DNAJC11: variants seen among roughly 807,000 people sequenced by gnomAD.
DNAJC11 encodes the protein dnaJ homolog subfamily C member 11.
DNAJC11 carries 15 observed loss-of-function variants against 78.6 expected under a neutral mutation model. The observed-to-expected ratio is 0.19, with a 90% confidence interval of 0.13 to 0.29. DNAJC11 has a LOEUF of 0.29. Among genes scored for constraint, DNAJC11 ranks in the 10% least tolerant of loss-of-function variants. The pLI, the probability that DNAJC11 is intolerant of heterozygous loss-of-function variation, is 1.00. For missense variants in DNAJC11, 547 were observed against 709.6 expected, an observed-to-expected ratio of 0.77 and a Z score of 2.60; for synonymous variants, 292 against 272.1, an observed-to-expected ratio of 1.07 and a Z score of -0.72.
Position 6,645,031 on chromosome 1 carries a change from C to T in DNAJC11, c.980+10G>A. 6.2e-7 allele frequency: 1 copy of T among 1,613,568 alleles called. No individual in the cohort carries two copies. Among genetic ancestry groups the T allele is most frequent in the Non-Finnish European group, 8.5e-7 (1 of 1,179,568 alleles). On this transcript the variant is annotated intron_variant, in intron 9 of 15. Transcript: ENST00000377577. This position sits in a 1 kb window ranked among gnomAD's most constrained non-coding sequence, Gnocchi z 4.1. ...CAGTGTGCTTCCATTTTAGCCAGGC[C>T]AGGACTTACTTGAGGGATCCTTTCA...
Position 6,639,895 on chromosome 1 carries a change from A to C in DNAJC11, c.1253+7T>G. 1 of 1,612,608 alleles carries C rather than the reference A, an allele frequency of 6.2e-7. No homozygotes were observed. Among genetic ancestry groups the C allele is most frequent in the Non-Finnish European group, 8.5e-7 (1 of 1,179,458 alleles). ...GCTAGTGACATGCCCATGACGTGTC[A>C]ACTCACTTCTCTTTCTGAGCCCTGA... On this transcript the variant is annotated splice_region_variant and intron_variant, in intron 11 of 15. Transcript: ENST00000377577.
chr1:6,675,348 A>C (rs926812897), intron 3 of DNAJC11, among the ~76,000 whole-genome samples: 5 of 151,714 alleles, frequency 3.3e-5, no homozygotes, highest in Non-Finnish European at 7.4e-5. Flanking sequence ...GTTTACTAAA[A>C]AAATACGAAA....
intron 7 of DNAJC11, among the ~76,000 whole-genome samples, chr1:6,648,140 A>C (rs968208396): frequency 1.3e-5 from 2 of 152,012 alleles, no homozygotes; most frequent in African/African-American, 4.8e-5. Flanking sequence ...CCCCTCCCTC[A>C]TAAGACCCAA....
chr1:6,638,440 T>A (rs1347398598), intron 11 of DNAJC11, 76 bp from the exon 12 acceptor site: 16 of 1,441,718 alleles, frequency 1.1e-5, no homozygotes, highest in Non-Finnish European at 1.4e-5. Flanking sequence ...CCTCCCGTGC[T>A]GGACCCGAGC....
In DNAJC11 at chr1:6,641,402, T is replaced by TACACAC. The variant is rs1477522329; in HGVS notation, c.1098-1346_1098-1345insGTGTGT. ...CAAAAAAAAAAAAAATATATATATATATATACACACACACACACACACACA... is the reference window on the plus strand; with the variant it reads ...CAAAAAAAAAAAAAATATATATATATACACACATATACACACACACACACACACACA... On this transcript the variant is annotated intron_variant, in intron 10 of 15. Transcript: ENST00000377577. Among the ~76,000 whole-genome samples the TACACAC allele has an allele frequency of 2.9e-4, 42 of 144,142 alleles. 1 individual carries two copies. The highest frequency in any genetic ancestry group is 1.1e-3 in the Admixed American group (16 of 14,304). 94.6% of individuals were successfully genotyped at this position (144,142 alleles called of 152,430 possible).
intron 7 of DNAJC11, among the ~76,000 whole-genome samples, chr1:6,650,439 G>A (rs182172066): frequency 3.9e-4 from 60 of 152,246 alleles, no homozygotes; most frequent in Non-Finnish European, 4.1e-4. Flanking sequence ...GTTGGCACAC[G>A]CCTGTAGTCC....
At chr1:6,690,641 T>C (rs557513340) in intron 1 of DNAJC11, among the ~76,000 whole-genome samples, 6 of 152,254 alleles carry the variant, frequency 3.9e-5, no homozygotes, top group African/African-American at 7.2e-5. Flanking sequence ...AACCCCTGAA[T>C]TGCCTGGGCG....
At chr1:6,643,750 G>A (rs1641921366) in intron 10 of DNAJC11, among the ~76,000 whole-genome samples, 1 of 152,176 alleles carries the variant, frequency 6.6e-6, no homozygotes, top group Non-Finnish European at 1.5e-5. Context: ...CAGGAGGACT[G>A]GGCTGCTAGG....
intron 1 of DNAJC11, among the ~76,000 whole-genome samples, chr1:6,682,792 G>A (rs1290204434): frequency 4.6e-5 from 7 of 152,274 alleles, no homozygotes; most frequent in African/African-American, 1.4e-4. Context: ...CCTGGGCGTG[G>A]AGGCGCTTGC....
intron 10 of DNAJC11, among the ~76,000 whole-genome samples, chr1:6,643,195 T>A (rs1026160462): frequency 1.3e-5 from 2 of 151,968 alleles, no homozygotes; most frequent in Non-Finnish European, 2.9e-5. Context: ...AAAGGCTGAT[T>A]CTGGAGAGGG....
Position 6,645,109 on chromosome 1 carries a change from G to A in DNAJC11, c.912C>T (p.Ser304=). 1 of 1,613,118 alleles carries A rather than the reference G, an allele frequency of 6.2e-7. No homozygotes were observed. The highest frequency in any genetic ancestry group is 8.5e-7 in the Non-Finnish European group (1 of 1,179,204). ...TGTGCTGATAGCTGATCAGTGCAAA[G>A]GAGTGAGGGATTCCCAGCTGGGGAG... ...TVALQLGIPH[S]FALISYQHKF... is the part of the protein sequence containing the mutation. Residue 304 remains serine, a synonymous_variant, in exon 9 of 16, where the codon TCC becomes TCT. Transcript: ENST00000377577. The surrounding 1 kb of genome is among the most constrained non-coding windows in gnomAD (Gnocchi z 4.1).
intron 7 of DNAJC11, chr1:6,651,075 G>C (rs760381079): frequency 1.9e-6 from 1 of 534,370 alleles, no homozygotes; most frequent in Non-Finnish European, 3.8e-6. Flanking sequence ...TACAGTTCTA[G>C]GAGTGTGACA....
rs189474713 is a variant in DNAJC11 at position 6,640,195 on chromosome 1, C to T, written c.1098-138G>A. 322 of 1,084,112 alleles carry T rather than the reference C, an allele frequency of 3.0e-4. 1 individual carries two copies. The African/African-American group carries it at 4.8e-3, about 16-fold the overall frequency. The allele number at this position is 1,084,112 out of a possible 1,614,324, so 67.2% of individuals were successfully genotyped here. ...AGTTAAAGGAGCCTGCAGTCTGCTC[C>T]TTTCACAGTCCACCACCTTCTGGCC... On this transcript the variant is annotated intron_variant, in intron 10 of 15. Coordinates refer to ENST00000377577, the MANE Select transcript of DNAJC11 (RefSeq NM_018198.4).
chr1:6,656,504 T>C (rs1642128754), intron 4 of DNAJC11, among the ~76,000 whole-genome samples: 1 of 152,116 alleles, frequency 6.6e-6, no homozygotes, highest in Non-Finnish European at 1.5e-5. Context: ...TATTTTTATG[T>C]TCTAATATGA....
intron 1 of DNAJC11, among the ~76,000 whole-genome samples, chr1:6,694,905 G>T (rs1642809356): frequency 6.6e-6 from 1 of 150,616 alleles, no homozygotes; most frequent in South Asian, 2.1e-4. Context: ...AACCCGGGAG[G>T]CGGAGCTTGC....
At position 6,645,962 on chromosome 1, in the gene DNAJC11, A is replaced by T; in HGVS notation, c.721T>A (p.Cys241Ser). ...CCACGGGATGAAAACTGCAGAGCAC[A>T]GTTTGTTGTCACAAAGCTGGAGAGA... ...LTPRCFVTTNCALQFSSRGIR... is the reference protein window; with the variant it reads ...LTPRCFVTTNSALQFSSRGIR... The change falls in exon 8 of 16, where the codon TGT (cysteine) becomes AGT (serine). Residue 241 changes from cysteine to serine, a missense_variant. Transcript: ENST00000377577. This position sits in a 1 kb window ranked among gnomAD's most constrained non-coding sequence, Gnocchi z 4.1. 1 of 1,614,112 alleles carries T rather than the reference A, an allele frequency of 6.2e-7. No homozygotes were observed. Among genetic ancestry groups the T allele is most frequent in the Non-Finnish European group, 8.5e-7 (1 of 1,179,984 alleles).
intron 4 of DNAJC11, among the ~76,000 whole-genome samples, chr1:6,662,329 G>A (rs964356986): frequency 7.2e-5 from 11 of 151,960 alleles, no homozygotes; most frequent in African/African-American, 1.7e-4. Context: ...AAGCAGCTTG[G>A]ATTACAGGCG....
intron 1 of DNAJC11, among the ~76,000 whole-genome samples, chr1:6,695,121 GGGT>G (rs1470705550): frequency 6.7e-6 from 1 of 149,282 alleles, no homozygotes; most frequent in Non-Finnish European, 1.5e-5. Flanking sequence ...GCTCCAGCCT[GGGT>G]GACAGAGCGA....
At chr1:6,682,222 A>G in intron 1 of DNAJC11, among the ~76,000 whole-genome samples, 1 of 152,012 alleles carries the variant, frequency 6.6e-6, no homozygotes, top group African/African-American at 2.4e-5. Context: ...ATTTTTCAAC[A>G]TCTTTCAGTC....
Sources: allele counts gnomAD v4.1 joint callset (sites outside exome capture counted in the v4.1 genomes callset), GRCh38; gene constraint gnomAD v4.1.1; non-coding constraint Gnocchi (gnomAD v3.1); transcripts MANE v1.5; gene names NCBI Gene and HGNC (gene_info 2026-07-23, HGNC 2026-07-21).